The following SIDT2 variants were observed in gnomAD, a reference collection of about 807,000 sequenced individuals.
The protein encoded by SIDT2 is SID1 transmembrane family, member 2.
A neutral mutation model predicts 114.4 loss-of-function variants in SIDT2; 68 were observed. The ratio of observed to expected loss-of-function variants is 0.59; its 90% CI spans 0.49 to 0.73. The LOEUF is 0.73. Among genes scored for constraint, SIDT2 ranks in the 30% least tolerant of loss-of-function variants. The probability of loss-of-function intolerance (pLI) is 0.00; values close to 1 mark genes in which losing one functional copy is unlikely to be tolerated. For missense variants in SIDT2, 918 were observed against 1,097.1 expected (o/e 0.84, Z 2.31); for synonymous variants, 470 against 438.4 (o/e 1.07, Z -0.90).
At chr11:117,193,040 G>A (rs745378349) in intron 22 of SIDT2, 113 bp from the exon 23 acceptor site, 2 of 1,351,434 alleles carry the variant, frequency 1.5e-6, no homozygotes, top group Admixed American at 1.7e-5. Flanking sequence ...AGAATCTTCT[G>A]TGGGCTTCTG....
rs1056379038 is a variant in SIDT2 at position 117,188,267 on chromosome 11, G to A, written c.1160-441G>A. 2 of 322,874 alleles carry A rather than the reference G, an allele frequency of 6.2e-6. No individual in the cohort carries two copies. Among genetic ancestry groups the A allele is most frequent in the East Asian group, 1.7e-4 (2 of 12,030 alleles). The allele number at this position is 322,874 out of a possible 1,614,324, so 20.0% of individuals were successfully genotyped here. A position where few individuals can be genotyped will look rare whatever the true frequency, so the allele number is the denominator to read the frequency against. On this transcript the variant is annotated intron_variant, in intron 12 of 25. Transcript: ENST00000324225. This position sits in a 1 kb window ranked among gnomAD's most constrained non-coding sequence, Gnocchi z 4.0. ...TCTGGCCTCTGGATAAAGGAGAAAT[G>A]CTCTTTCTGCACCCCAGGCCCACTG... is the stretch of plus-strand genomic sequence containing the variant.
rs1486533931 is a variant in SIDT2 at position 117,189,951 on chromosome 11, G to A, written c.1420-1G>A. 6 of 1,613,988 alleles carry A rather than the reference G, an allele frequency of 3.7e-6. No homozygotes were observed. The highest frequency in any genetic ancestry group is 4.2e-6 in the Non-Finnish European group (5 of 1,179,984). On this transcript the variant is annotated splice_acceptor_variant, in intron 15 of 25. Transcript: ENST00000324225. LOFTEE classifies it high-confidence loss of function. ...ACTCCCTGTCCCTGCTCCTGCTACAGGTGGTGAATGTCACAGGGAATCAGG... is the reference window on the plus strand; with the variant it reads ...ACTCCCTGTCCCTGCTCCTGCTACAAGTGGTGAATGTCACAGGGAATCAGG...
At chr11:117,184,246 T>C (rs1048062704) in intron 8 of SIDT2, 107 bp downstream of exon 8, 49 of 1,117,404 alleles carry the variant, frequency 4.4e-5, no homozygotes, top group Non-Finnish European at 6.4e-5. Context: ...GATGCAGATA[T>C]GCTGGTGGGG....
Position 117,187,912 on chromosome 11 carries a change from C to T in SIDT2, c.1159+213C>T, listed in dbSNP as rs2030560697. On this transcript the variant is annotated intron_variant, in intron 12 of 25. Coordinates refer to ENST00000324225, the MANE Select transcript of SIDT2 (RefSeq NM_001040455.2). ...TGAAGGGCACGACCAGTTCAAGCGG[C>T]GCCTCCCCTCTGGCCAGATGCGGCA... is the stretch of plus-strand genomic sequence containing the variant. The T allele has an allele frequency of 8.7e-6, 6 of 691,788 alleles. 1 individual carries two copies. Among genetic ancestry groups the T allele is most frequent in the South Asian group, 6.0e-5 (4 of 66,672 alleles). 42.9% of individuals were successfully genotyped at this position (691,788 alleles called of 1,614,324 possible). A position where few individuals can be genotyped will look rare whatever the true frequency, so the allele number is the denominator to read the frequency against.
rs146346437 is a variant in SIDT2 at position 117,191,335 on chromosome 11, G to A, written c.1736-543G>A. 6.4e-3 allele frequency: 997 copies of A among 155,494 alleles called. 11 individuals are homozygous for A. Among genetic ancestry groups the A allele is most frequent in the Middle Eastern group, 0.03 (9 of 298 alleles). The allele number at this position is 155,494 out of a possible 1,614,324, so 9.6% of individuals were successfully genotyped here. ...ACTGTGGCTCATGCCTGTAATCCTA[G>A]CACTTTGGGAGGCTGAGGCGGGGGG... On this transcript the variant is annotated intron_variant, in intron 18 of 25. Coordinates refer to ENST00000324225, the MANE Select transcript of SIDT2 (RefSeq NM_001040455.2).
intron 15 of SIDT2, 182 bp from the exon 16 acceptor site, chr11:117,189,770 A>ACAG (rs1254115859): frequency 2.1e-4 from 133 of 631,502 alleles, no homozygotes; most frequent in Non-Finnish European, 3.1e-4. Context: ...ATGAGAGGGG[A>ACAG]CAGCGACTGT....
In SIDT2 at chr11:117,193,980, A is replaced by C; in HGVS notation, c.2322+17A>C. 1 of 1,598,008 alleles carries C rather than the reference A, an allele frequency of 6.3e-7. No homozygotes were observed. Among genetic ancestry groups the C allele is most frequent in the African/African-American group, 1.3e-5 (1 of 74,710 alleles). On this transcript the variant is annotated intron_variant, in intron 24 of 25. Transcript: ENST00000324225. The stretch of plus-strand genomic sequence containing the variant: ...ACCTGGCAGGTGAGCACTCACCCTC[A>C]GGCTCCTTGTGAGCCAACAAGTGGC...
chr11:117,190,372 G>C lies in SIDT2; in HGVS notation c.1617+83G>C. 2.0e-6 allele frequency: 3 copies of C among 1,511,818 alleles called. No individual in the cohort carries two copies. The South Asian group carries it at 4.0e-5, about 20-fold the overall frequency. 93.7% of individuals were successfully genotyped at this position (1,511,818 alleles called of 1,614,324 possible). A position where few individuals can be genotyped will look rare whatever the true frequency, so the allele number is the denominator to read the frequency against. On this transcript the variant is annotated intron_variant, in intron 17 of 25. Transcript: ENST00000324225. This position sits in a 1 kb window ranked among gnomAD's most constrained non-coding sequence, Gnocchi z 4.1. ...TGGCTCCAGGACACCCTTTTGGGCA[G>C]GCCTGGCCCTGCCTTCCCCAGCTCT...
rs1487325021 is a variant in SIDT2, at chr11:117,188,856, C to T, written c.1278+30C>T. ...GACCCGTGGGCCTGGCCTGGTCAGG[C>T]GTTTCCTGAGAAAGGGACATTCTGC... On this transcript the variant is annotated intron_variant, in intron 13 of 25. Coordinates refer to ENST00000324225, the MANE Select transcript of SIDT2 (RefSeq NM_001040455.2). This position sits in a 1 kb window ranked among gnomAD's most constrained non-coding sequence, Gnocchi z 4.0. 15 of 1,591,992 alleles carry T rather than the reference C, an allele frequency of 9.4e-6. No individual in the cohort carries two copies. Among genetic ancestry groups the T allele is most frequent in the Non-Finnish European group, 1.2e-5 (14 of 1,159,914 alleles).
intron 15 of SIDT2, 197 bp from the exon 16 acceptor site, chr11:117,189,755 G>A (rs780502047): frequency 8.1e-6 from 5 of 619,420 alleles, no homozygotes; most frequent in Middle Eastern, 4.3e-4. Context: ...TTTCAGCCAC[G>A]CCTAATGAGA....
In SIDT2 at chr11:117,188,670, G is replaced by A. The variant is rs2030588649; in HGVS notation, c.1160-38G>A. ...GGGCGAGGGCCACTGTGGGTTTTGT[G>A]TCCACCGGTGCAACCCCTCCCTCCC... On this transcript the variant is annotated intron_variant, in intron 12 of 25. Coordinates refer to ENST00000324225, the MANE Select transcript of SIDT2 (RefSeq NM_001040455.2). This position sits in a 1 kb window ranked among gnomAD's most constrained non-coding sequence, Gnocchi z 4.0. The A allele has an allele frequency of 6.5e-7, 1 of 1,531,620 alleles. No individual in the cohort carries two copies. The highest frequency in any genetic ancestry group is 9.0e-7 in the Non-Finnish European group (1 of 1,105,260). 94.9% of individuals were successfully genotyped at this position (1,531,620 alleles called of 1,614,324 possible).
At chr11:117,185,049 CTTTTTT>C (rs34444006) in intron 8 of SIDT2, among the ~76,000 whole-genome samples, 1 of 135,528 alleles carries the variant, frequency 7.4e-6, no homozygotes. Flanking sequence ...CTCTCTCTCT[CTTTTTT>C]TTTTTTTTTT....
rs370944289 is a variant in SIDT2, at chr11:117,192,890, C to T, written c.2105+24C>T. On this transcript the variant is annotated intron_variant, in intron 22 of 25. Transcript: ENST00000324225. The surrounding 1 kb of genome is among the most constrained non-coding windows in gnomAD (Gnocchi z 5.9). ...CTGTGAGTATGGTCAGCAGTAGTGG[C>T]CTGGTTGGGTGGACAGCTGGGGACT... 3 of 1,614,054 alleles carry T rather than the reference C, an allele frequency of 1.9e-6. No individual in the cohort carries two copies. Among genetic ancestry groups the T allele is most frequent in the Admixed American group, 1.7e-5 (1 of 60,026 alleles).
At chr11:117,193,530 T>A (rs1245893962) in intron 23 of SIDT2, among the ~76,000 whole-genome samples, 1 of 151,194 alleles carries the variant, frequency 6.6e-6, no homozygotes, top group Non-Finnish European at 1.5e-5. Context: ...TGAGGGGAGG[T>A]AGGGTGTGGG....
At position 117,188,655 on chromosome 11, in the gene SIDT2, C is replaced by A; in HGVS notation, c.1160-53C>A. ...ACAATTGCCTCAGATGGGCGAGGGC[C>A]ACTGTGGGTTTTGTGTCCACCGGTG... is the stretch of plus-strand genomic sequence containing the variant. On this transcript the variant is annotated intron_variant, in intron 12 of 25. Transcript: ENST00000324225. The surrounding 1 kb of genome is among the most constrained non-coding windows in gnomAD (Gnocchi z 4.0). The A allele has an allele frequency of 7.3e-7, 1 of 1,374,858 alleles. No individual in the cohort carries two copies. The highest frequency in any genetic ancestry group is 1.0e-6 in the Non-Finnish European group (1 of 962,432). 85.2% of individuals were successfully genotyped at this position (1,374,858 alleles called of 1,614,324 possible).
chr11:117,186,503 G>A (rs2030500915), intron 9 of SIDT2, 81 bp from the exon 10 acceptor site: 2 of 1,322,114 alleles, frequency 1.5e-6, no homozygotes, highest in South Asian at 2.8e-5. Flanking sequence ...GTGGAGCAGA[G>A]AGGTAGAAGG....
At chr11:117,187,807 G>T in intron 12 of SIDT2, 108 bp downstream of exon 12, 1 of 1,065,192 alleles carries the variant, frequency 9.4e-7, no homozygotes, top group South Asian at 1.3e-5. Flanking sequence ...ACCTGGGAAG[G>T]GCCTGCTGTC....
Position 117,192,894 on chromosome 11 carries a change from G to A in SIDT2, c.2105+28G>A, listed in dbSNP as rs747834511. On this transcript the variant is annotated intron_variant, in intron 22 of 25. Coordinates refer to ENST00000324225, the MANE Select transcript of SIDT2 (RefSeq NM_001040455.2). The surrounding 1 kb of genome is among the most constrained non-coding windows in gnomAD (Gnocchi z 5.9). ...GAGTATGGTCAGCAGTAGTGGCCTG[G>A]TTGGGTGGACAGCTGGGGACTCGGT... 87 of 1,614,036 alleles carry A rather than the reference G, an allele frequency of 5.4e-5. No individual in the cohort carries two copies. In the East Asian group the frequency reaches 1.9e-3, roughly 35 times the overall value.
At chr11:117,182,246 C>T in intron 4 of SIDT2, 141 bp downstream of exon 4, 1 of 983,790 alleles carries the variant, frequency 1.0e-6, no homozygotes, top group Non-Finnish European at 1.5e-6. Context: ...GAGCTCTGGC[C>T]CTGACATGGT....
Sources: gnomAD v4.1 joint callset for allele counts (sites outside exome capture counted in the v4.1 genomes callset) on GRCh38, gnomAD v4.1.1 for gene constraint, Gnocchi (gnomAD v3.1) non-coding constraint, MANE v1.5 for transcripts, NCBI Gene and HGNC (gene_info 2026-07-23, HGNC 2026-07-21) for gene names.